KIF26B: variants seen among roughly 807,000 people sequenced by gnomAD.
The protein encoded by KIF26B is kinesin family member 26B, also known as kinesin-like protein KIF26B.
In KIF26B, 63 loss-of-function variants were observed where a neutral mutation model predicts 151.2. That is an observed-to-expected ratio of 0.42 (90% CI 0.34 to 0.51). The LOEUF (loss-of-function observed/expected upper bound fraction) is 0.51. Among genes scored for constraint, KIF26B ranks in the 20% least tolerant of loss-of-function variants. KIF26B has a pLI of 0.07. For synonymous variants in KIF26B, 1,357 were observed against 1,262.1 expected, an observed-to-expected ratio of 1.08 and a Z score of -1.59; for missense variants, 2,813 against 2,913.6, an observed-to-expected ratio of 0.97 and a Z score of 0.79.
chr1:245,374,136 T>TATATATATATAC (rs1297569545), intron 3 of KIF26B, among the ~76,000 whole-genome samples: 25 of 84,078 alleles, frequency 3.0e-4, no homozygotes, highest in African/African-American at 1.1e-3. Flanking sequence ...TATATATATA[T>TATATATATATAC]ATGGGCACAA....
chr1:245,675,065 T>C (rs2044342360), intron 10 of KIF26B, among the ~76,000 whole-genome samples: 1 of 152,170 alleles, frequency 6.6e-6, no homozygotes, highest in African/African-American at 2.4e-5. Flanking sequence ...ATTTATTATG[T>C]TGGAAAGGAG....
In KIF26B at chr1:245,334,107, C is replaced by T. The variant is rs116530120; in HGVS notation, c.466-32727C>T. Reference sequence around the variant, plus strand: ...AGAAAAGTTCAGTCATCTTCTGTTACCCATACAGCAAGGTACAAGAAACAA... The same window carrying T: ...AGAAAAGTTCAGTCATCTTCTGTTATCCATACAGCAAGGTACAAGAAACAA... On this transcript the variant is annotated intron_variant, in intron 2 of 14. Coordinates refer to ENST00000407071, the MANE Select transcript of KIF26B (RefSeq NM_018012.4). Among the ~76,000 whole-genome samples the T allele has an allele frequency of 2.2e-3, 342 of 152,266 alleles. 1 individual carries two copies. Among genetic ancestry groups the T allele is most frequent in the Non-Finnish European group, 4.1e-3 (276 of 68,018 alleles).
intron 4 of KIF26B, among the ~76,000 whole-genome samples, chr1:245,536,826 C>T (rs191358795): frequency 1.6e-4 from 25 of 152,296 alleles, no homozygotes; most frequent in Non-Finnish European, 3.1e-4. Flanking sequence ...TTGACCCTCT[C>T]CATGTGACCT....
chr1:245,370,671 G>T (rs1385724914), intron 3 of KIF26B: 1 of 454,890 alleles, frequency 2.2e-6, no homozygotes, highest in Non-Finnish European at 4.4e-6. Flanking sequence ...CATGAAACTG[G>T]TGCTTTCCTG....
chr1:245,636,006 C>T (rs1350144060), intron 9 of KIF26B, among the ~76,000 whole-genome samples: 1 of 152,084 alleles, frequency 6.6e-6, no homozygotes, highest in Non-Finnish European at 1.5e-5. Flanking sequence ...TGACATGAAT[C>T]CTTAACATTT....
chr1:245,535,170 CCTT>C (rs1404892186), intron 4 of KIF26B, among the ~76,000 whole-genome samples: 4 of 152,128 alleles, frequency 2.6e-5, no homozygotes, highest in African/African-American at 7.2e-5. Context: ...TCAACCTTAA[CCTT>C]CTCTTCTCTG....
chr1:245,410,347 G>A (rs900980831), intron 3 of KIF26B, among the ~76,000 whole-genome samples: 2 of 152,294 alleles, frequency 1.3e-5, no homozygotes, highest in African/African-American at 4.8e-5. Context: ...CCTCACCGTT[G>A]ATGGTCCTTA....
At chr1:245,519,424 G>T (rs1661038302) in intron 4 of KIF26B, among the ~76,000 whole-genome samples, 1 of 151,948 alleles carries the variant, frequency 6.6e-6, no homozygotes, top group Non-Finnish European at 1.5e-5. Context: ...TGTGATGGTG[G>T]GTGCCTGTAA....
intron 4 of KIF26B, among the ~76,000 whole-genome samples, chr1:245,475,181 C>A (rs1660008150): frequency 6.6e-6 from 1 of 151,800 alleles, no homozygotes; most frequent in African/African-American, 2.4e-5. Flanking sequence ...ACTGGAGCAC[C>A]CATCTGCTGG....
intron 4 of KIF26B, among the ~76,000 whole-genome samples, chr1:245,521,197 T>C (rs999946604): frequency 1.4e-4 from 21 of 151,742 alleles, no homozygotes; most frequent in South Asian, 4.2e-4. Flanking sequence ...ATTAGCCAGG[T>C]GTGGTGGCGA....
chr1:245,433,755 T>C (rs1658837015), intron 4 of KIF26B, among the ~76,000 whole-genome samples: 1 of 152,180 alleles, frequency 6.6e-6, no homozygotes, highest in Admixed American at 6.5e-5. Flanking sequence ...CCTGGTGTGC[T>C]TGTTCATGAA....
intron 5 of KIF26B, among the ~76,000 whole-genome samples, chr1:245,543,500 T>C (rs1661670091): frequency 1.4e-5 from 2 of 145,316 alleles, no homozygotes; most frequent in African/African-American, 5.1e-5. Context: ...GGCATCGGTC[T>C]GGGGTCACAG....
In KIF26B at chr1:245,193,397, T is replaced by A. The variant is rs115481036; in HGVS notation, c.465+36714T>A. Among the ~76,000 whole-genome samples, 486 of 152,314 alleles carry A rather than the reference T, an allele frequency of 3.2e-3. 1 individual carries two copies. Among genetic ancestry groups the A allele is most frequent in the African/African-American group, 0.011 (453 of 41,544 alleles). ...TTATGTTCCTTTGGTACTTGACTTC[T>A]TATTGCCATTGTGTTCACCAAAGAC... On this transcript the variant is annotated intron_variant, in intron 2 of 14. Transcript: ENST00000407071.
chr1:245,446,642 C>A (rs562786977), intron 4 of KIF26B, among the ~76,000 whole-genome samples: 6 of 152,308 alleles, frequency 3.9e-5, no homozygotes, highest in African/African-American at 1.4e-4. Context: ...ACCTAGAGTG[C>A]AACCTTTAGA....
chr1:245,403,087 G>T (rs192256589), intron 3 of KIF26B, among the ~76,000 whole-genome samples: 153 of 152,290 alleles, frequency 1.0e-3, no homozygotes, highest in African/African-American at 3.5e-3. Context: ...TCCTGCCTCA[G>T]CCTCCCCAGT....
At chr1:245,586,794 G>A (rs2043230541) in intron 5 of KIF26B, among the ~76,000 whole-genome samples, 1 of 151,700 alleles carries the variant, frequency 6.6e-6, no homozygotes, top group South Asian at 2.1e-4. Context: ...GCTGAGGCAG[G>A]AGAATGGCGT....
intron 2 of KIF26B, among the ~76,000 whole-genome samples, chr1:245,253,971 G>A (rs112621164): frequency 0.034 from 5,089 of 151,570 alleles, 108 homozygotes; most frequent in Non-Finnish European, 0.044. Flanking sequence ...CACCACGCCC[G>A]GCTGATTTTT....
intron 2 of KIF26B, among the ~76,000 whole-genome samples, chr1:245,331,683 G>A (rs986020201): frequency 6.6e-6 from 1 of 152,154 alleles, no homozygotes; most frequent in Admixed American, 6.5e-5. Context: ...GATGATAGAT[G>A]GAGAGATAGC....
At chr1:245,158,268 A>T (rs1175477855) in intron 2 of KIF26B, among the ~76,000 whole-genome samples, 1 of 152,144 alleles carries the variant, frequency 6.6e-6, no homozygotes, top group African/African-American at 2.4e-5. Context: ...GCCGATCAAA[A>T]TACACTCTTC....
Sources: allele counts gnomAD v4.1 joint callset (sites outside exome capture counted in the v4.1 genomes callset), GRCh38; gene constraint gnomAD v4.1.1; transcripts MANE v1.5; gene names NCBI Gene and HGNC (gene_info 2026-07-23, HGNC 2026-07-21).